ZFHX4: variants seen among roughly 807,000 people sequenced by gnomAD.
ZFHX4 encodes zinc finger homeobox 4.
A neutral mutation model predicts 267.6 loss-of-function variants in ZFHX4; 56 were observed. The observed-to-expected ratio is 0.21, with a 90% CI of 0.17 to 0.26. The LOEUF is 0.26. ZFHX4 is among the 10% of genes least tolerant of loss of function. ZFHX4 has a pLI of 1.00. For synonymous variants in ZFHX4, 1,778 were observed against 1,665.6 expected (o/e 1.07, Z -1.64); for missense variants, 4,332 against 4,420.0 (o/e 0.98, Z 0.56).
At position 76,863,309 on chromosome 8, in the gene ZFHX4, G is replaced by A. The variant is rs373709419; in HGVS notation, c.9595G>A (p.Val3199Met). The stretch of plus-strand genomic sequence containing the variant: ...GAAAAAGCAAACTAAGCCAAACAAG[G>A]TGAAAAAAATCAAAGAGGAGGAATT... ...SEKKQTKPNK[V>M]KKIKEEELEA... is the part of the protein sequence containing the mutation. The change falls in exon 11 of 11, where the codon GTG becomes ATG. Residue 3199 changes from valine to methionine, a missense_variant. Coordinates refer to ENST00000651372, the MANE Select transcript of ZFHX4 (RefSeq NM_024721.5). 1.4e-5 allele frequency: 22 copies of A among 1,612,508 alleles called. No individual in the cohort carries two copies. Among genetic ancestry groups the A allele is most frequent in the Non-Finnish European group, 1.8e-5 (21 of 1,179,578 alleles).
intron 3 of ZFHX4, among the ~76,000 whole-genome samples, chr8:76,769,455 TC>T (rs1480845943): frequency 6.6e-6 from 1 of 152,094 alleles, no homozygotes; most frequent in African/African-American, 2.4e-5. Flanking sequence ...GCTTAAGCGA[TC>T]CTCCTACTTC....
In ZFHX4 at chr8:76,853,895, T is replaced by G. The variant is rs936883580; in HGVS notation, c.6974T>G (p.Phe2325Cys). 3.1e-6 allele frequency: 5 copies of G among 1,613,792 alleles called. No individual in the cohort carries two copies. The African/African-American group carries it at 6.7e-5, about 22-fold the overall frequency. Residue 2325 changes from phenylalanine to cysteine, a missense_variant, in exon 10 of 11, where the codon TTT (phenylalanine) becomes TGT (cysteine). By Grantham distance (205) the Phe-to-Cys change is radical (BLOSUM62 -2). This residue lies in a region of ZFHX4 where 1,648 missense variants were observed against 1,625.0 expected (regional missense o/e 1.01). Coordinates refer to ENST00000651372, the MANE Select transcript of ZFHX4 (RefSeq NM_024721.5). Reference protein sequence around the residue: ...KKCNVVFPRIFDLITHQKKQC... With the variant: ...KKCNVVFPRICDLITHQKKQC... ...TGCAATGTGGTTTTCCCCAGGATCTTTGACTTGATTACGCATCAGAAAAAG... is the reference window on the plus strand; with the variant it reads ...TGCAATGTGGTTTTCCCCAGGATCTGTGACTTGATTACGCATCAGAAAAAG...
chr8:76,747,203 A>T (rs979114339), intron 3 of ZFHX4, among the ~76,000 whole-genome samples: 1 of 152,170 alleles, frequency 6.6e-6, no homozygotes, highest in Non-Finnish European at 1.5e-5. Flanking sequence ...AGATATTTGC[A>T]CAAAGAATAT....
chr8:76,708,503 T>G (rs147380883), intron 3 of ZFHX4, among the ~76,000 whole-genome samples: 356 of 152,282 alleles, frequency 2.3e-3, no homozygotes, highest in African/African-American at 8.1e-3. Flanking sequence ...TAATGTTTGT[T>G]TCTTTGTTTT....
In ZFHX4 at chr8:76,704,600, C is replaced by T. The variant is rs566068035; in HGVS notation, c.512C>T (p.Ala171Val). 6.2e-7 allele frequency: 1 copy of T among 1,613,976 alleles called. No individual in the cohort carries two copies. The highest frequency in any genetic ancestry group is 8.5e-7 in the Non-Finnish European group (1 of 1,179,876). Residue 171 changes from alanine to valine, a missense_variant, in exon 2 of 11, where the codon GCA becomes GTA. By Grantham distance (64) the Ala-to-Val change is moderately conservative. This residue lies in a region of ZFHX4 where 1,195 missense variants were observed against 1,173.6 expected (regional missense o/e 1.02). Coordinates refer to ENST00000651372, the MANE Select transcript of ZFHX4 (RefSeq NM_024721.5). ...ACAGCGATGTTCCTGGACTCCCTGG[C>T]ATCTGCTGGAGAGAAGAGTGATCAG... ...FSTAMFLDSLASAGEKSDQSA... is the reference protein window; with the variant it reads ...FSTAMFLDSLVSAGEKSDQSA...
At position 76,803,100 on chromosome 8, in the gene ZFHX4, C is replaced by T. The variant is rs192296979; in HGVS notation, c.3325+24661C>T. Reference sequence around the variant, plus strand: ...ATTCCTGTCAGCACACTTGAGCTGTCAACCAACAGTAAGCAATATCCATTT... The same window carrying T: ...ATTCCTGTCAGCACACTTGAGCTGTTAACCAACAGTAAGCAATATCCATTT... On this transcript the variant is annotated intron_variant, in intron 4 of 10. Coordinates refer to ENST00000651372, the MANE Select transcript of ZFHX4 (RefSeq NM_024721.5). 1.2e-4 allele frequency among the ~76,000 whole-genome samples: 18 copies of T among 152,198 alleles called. No homozygotes were observed. The South Asian group carries it at 1.2e-3, about 11-fold the overall frequency.
rs759064458 is a variant in ZFHX4 at position 76,706,013 on chromosome 8, A to G, written c.1925A>G (p.Lys642Arg). The G allele has an allele frequency of 6.2e-7, 1 of 1,613,532 alleles. No homozygotes were observed. Among genetic ancestry groups the G allele is most frequent in the South Asian group, 1.1e-5 (1 of 91,046 alleles). The change falls in exon 2 of 11, where the codon AAA becomes AGA. Residue 642 changes from lysine (K) to arginine (R), a missense_variant. Lys to Arg is a conservative substitution (Grantham distance 26, BLOSUM62 2). This residue lies in a region of ZFHX4 where 1,195 missense variants were observed against 1,173.6 expected (regional missense o/e 1.02). Coordinates refer to ENST00000651372, the MANE Select transcript of ZFHX4 (RefSeq NM_024721.5). ...ATGATGCACTCGAGGAACTCATGCA[A>G]AACCCTCAAATGTCCTAAATGTAAC... ...MTMMHSRNSC[K>R]TLKCPKCNWH...
Position 76,836,140 on chromosome 8 carries a change from G to A in ZFHX4, c.3394+2734G>A, listed in dbSNP as rs1035377021. Among the ~76,000 whole-genome samples the A allele has an allele frequency of 4.6e-5, 7 of 152,288 alleles. 1 individual carries two copies. The highest frequency in any genetic ancestry group is 2.0e-4 in the Admixed American group (3 of 15,282). ...ATATATTGTGAATAAGACAGATGAAGTCCCTCACTTTAGATAATATCTCTA... is the reference window on the plus strand; with the variant it reads ...ATATATTGTGAATAAGACAGATGAAATCCCTCACTTTAGATAATATCTCTA... On this transcript the variant is annotated intron_variant, in intron 5 of 10. Coordinates refer to ENST00000651372, the MANE Select transcript of ZFHX4 (RefSeq NM_024721.5).
At chr8:76,753,612 C>CTTCAT (rs1271733470) in intron 3 of ZFHX4, among the ~76,000 whole-genome samples, 2 of 132,554 alleles carry the variant, frequency 1.5e-5, no homozygotes, top group Non-Finnish European at 3.2e-5. Flanking sequence ...GTCACAGTCA[C>CTTCAT]TTCATTCGTC....
At chr8:76,726,193 G>A (rs1450219202) in intron 3 of ZFHX4, among the ~76,000 whole-genome samples, 1 of 151,744 alleles carries the variant, frequency 6.6e-6, no homozygotes, top group African/African-American at 2.4e-5. Flanking sequence ...AAAATCAAAA[G>A]AGCCTATCTT....
At position 76,764,662 on chromosome 8, in the gene ZFHX4, C is replaced by A. The variant is rs141550590; in HGVS notation, c.3094-13546C>A. On this transcript the variant is annotated intron_variant, in intron 3 of 10. Transcript: ENST00000651372. ...GAGACAAGGATCACTTCAAAAGGAC[C>A]AGTACATTTCAAAAGTGTCCAATTC... 4.1e-3 allele frequency among the ~76,000 whole-genome samples: 628 copies of A among 152,192 alleles called. 11 individuals are homozygous for A. Among genetic ancestry groups the A allele is most frequent in the African/African-American group, 0.014 (571 of 41,528 alleles).
chr8:76,732,545 G>A (rs1041481512), intron 3 of ZFHX4, among the ~76,000 whole-genome samples: 1 of 152,072 alleles, frequency 6.6e-6, no homozygotes, highest in African/African-American at 2.4e-5. Flanking sequence ...TTCAAAAGCA[G>A]TGGCTACACT....
At chr8:76,839,315 C>A (rs1223183828) in intron 5 of ZFHX4, among the ~76,000 whole-genome samples, 1 of 152,024 alleles carries the variant, frequency 6.6e-6, no homozygotes, top group Non-Finnish European at 1.5e-5. Flanking sequence ...CTTATAAGAT[C>A]ATTTTAGACA....
At chr8:76,849,194 G>A in intron 7 of ZFHX4, 66 bp downstream of exon 7, 1 of 1,469,414 alleles carries the variant, frequency 6.8e-7, no homozygotes, top group Non-Finnish European at 9.1e-7. Flanking sequence ...TAGTTTTAAA[G>A]CCCCAAATGA....
rs752529784 is a variant in ZFHX4, at chr8:76,707,911, T to G, written c.2956T>G (p.Trp986Gly). ...HIKEGGKSNEWRLKCIAIGNP... is the reference protein window; with the variant it reads ...HIKEGGKSNEGRLKCIAIGNP... ...TAAAGAAGGGGGCAAAAGCAATGAGTGGAGGTTGAAGTGTATTGCCATTGG... is the reference window on the plus strand; with the variant it reads ...TAAAGAAGGGGGCAAAAGCAATGAGGGGAGGTTGAAGTGTATTGCCATTGG... The change falls in exon 3 of 11, where the codon TGG becomes GGG. Residue 986 changes from tryptophan to glycine, a missense_variant. By Grantham distance (184) the Trp-to-Gly change is radical. Around this residue, in one of 7 missense-constraint regions of ZFHX4, gnomAD observed 1,371 missense variants for 1,423.1 expected, o/e 0.96. Transcript: ENST00000651372. 1 of 1,613,806 alleles carries G rather than the reference T, an allele frequency of 6.2e-7. No homozygotes were observed. Among genetic ancestry groups the G allele is most frequent in the African/African-American group, 1.3e-5 (1 of 74,872 alleles).
Position 76,851,350 on chromosome 8 carries a change from T to A in ZFHX4, c.4429T>A (p.Ser1477Thr). ...ACTGTGGGCAGAGAGCGAAACTATG[T>A]CCCAGGATGACCATGGCCTAGAGCA... Reference protein sequence around the residue: ...GELWAESETMSQDDHGLEQEM... With the variant: ...GELWAESETMTQDDHGLEQEM... Residue 1477 changes from serine to threonine, a missense_variant, in exon 10 of 11, where the codon TCC becomes ACC. Physicochemically the swap from Ser to Thr is moderately conservative, Grantham distance 58 (BLOSUM62 1). Transcript: ENST00000651372. The A allele has an allele frequency of 6.2e-7, 1 of 1,613,730 alleles. No homozygotes were observed. Among genetic ancestry groups the A allele is most frequent in the Non-Finnish European group, 8.5e-7 (1 of 1,179,838 alleles).
chr8:76,835,241 G>GTATATATATATA (rs144954045), intron 5 of ZFHX4, among the ~76,000 whole-genome samples: 4 of 42,648 alleles, frequency 9.4e-5, no homozygotes, highest in African/African-American at 3.9e-4. Flanking sequence ...ATATATATAT[G>GTATATATATATA]TATATATATA....
chr8:76,713,299 A>G (rs890790271), intron 3 of ZFHX4, among the ~76,000 whole-genome samples: 5 of 152,074 alleles, frequency 3.3e-5, no homozygotes, highest in Admixed American at 1.3e-4. Flanking sequence ...ATAGATAGAT[A>G]GATAGATAGA....
rs919232548 is a variant in ZFHX4 at position 76,850,461 on chromosome 8, A to G, written c.3964+99A>G. On this transcript the variant is annotated intron_variant, in intron 9 of 10. Transcript: ENST00000651372. The stretch of plus-strand genomic sequence containing the variant: ...TATTACTATCAAAAGATTTTCGTAA[A>G]GCATAGGGGAAAAATGTATGCCATT... 1.1e-5 allele frequency: 11 copies of G among 980,468 alleles called. No individual in the cohort carries two copies. The African/African-American group carries it at 1.3e-4, about 12-fold the overall frequency. 60.7% of individuals were successfully genotyped at this position (980,468 alleles called of 1,614,324 possible).
Sources: allele counts gnomAD v4.1 joint callset (sites outside exome capture counted in the v4.1 genomes callset), GRCh38; gene constraint gnomAD v4.1.1; regional missense constraint gnomAD v4.1.1; transcripts MANE v1.5; gene names NCBI Gene and HGNC (gene_info 2026-07-23, HGNC 2026-07-21).